EFNA5: variants seen among roughly 807,000 people sequenced by gnomAD.
The protein encoded by EFNA5 is ephrin A5.
EFNA5 carries 5 observed loss-of-function variants against 22.9 expected under a neutral mutation model. The observed-to-expected ratio is 0.22, with a 90% CI of 0.11 to 0.46. The LOEUF is 0.46. EFNA5 is among the 20% of genes least tolerant of loss of function. EFNA5 has a pLI of 0.99. For synonymous variants in EFNA5, 113 were observed against 112.2 expected (o/e 1.01, Z -0.04); for missense variants, 237 against 293.3 (o/e 0.81, Z 1.40).
intron 1 of EFNA5, among the ~76,000 whole-genome samples, chr5:107,594,168 C>T (rs1301076321): frequency 6.6e-6 from 1 of 152,132 alleles, no homozygotes; most frequent in African/African-American, 2.4e-5. Flanking sequence ...AAAAATGCCA[C>T]ATTCATGATA....
intron 1 of EFNA5, among the ~76,000 whole-genome samples, chr5:107,649,442 C>A (rs1481869389): frequency 2.6e-5 from 4 of 152,030 alleles, no homozygotes; most frequent in African/African-American, 9.7e-5. Flanking sequence ...ATAGGCTAAT[C>A]GTCAAATGAC....
At chr5:107,611,994 T>C (rs1749826166) in intron 1 of EFNA5, among the ~76,000 whole-genome samples, 1 of 152,192 alleles carries the variant, frequency 6.6e-6, no homozygotes, top group Non-Finnish European at 1.5e-5. Context: ...TTTGACAACA[T>C]ATTAATATAA....
chr5:107,377,683 G>A lies in EFNA5; in HGVS notation c.*3572C>T, dbSNP rs983363014. The A allele has an allele frequency of 6.6e-6, 1 of 152,148 alleles. No homozygotes were observed. Among genetic ancestry groups the A allele is most frequent in the Non-Finnish European group, 1.5e-5 (1 of 68,040 alleles). 9.4% of individuals were successfully genotyped at this position (152,148 alleles called of 1,614,324 possible). ...TTAAGCTTCCTACACTGATTGGTTT[G>A]CAACCATTTCCATGAGTGAGCTGCA... On this transcript the variant is annotated 3_prime_UTR_variant, in exon 5 of 5. Transcript: ENST00000333274.
intron 1 of EFNA5, among the ~76,000 whole-genome samples, chr5:107,517,498 T>C (rs1163785786): frequency 6.6e-6 from 1 of 152,230 alleles, no homozygotes; most frequent in Non-Finnish European, 1.5e-5. Flanking sequence ...ACGGTTGTTG[T>C]GAATATTAAA....
chr5:107,539,516 T>TG (rs1748000058), intron 1 of EFNA5, among the ~76,000 whole-genome samples: 1 of 152,156 alleles, frequency 6.6e-6, no homozygotes, highest in Non-Finnish European at 1.5e-5. Context: ...TGAAGTGCAG[T>TG]GGGGTGATCT....
chr5:107,465,787 G>C (rs999825870), intron 1 of EFNA5, among the ~76,000 whole-genome samples: 1 of 151,770 alleles, frequency 6.6e-6, no homozygotes, highest in South Asian at 2.1e-4. Flanking sequence ...TATCACGAGG[G>C]GAGAAAAAGG....
chr5:107,430,926 C>T (rs1748939638), intron 1 of EFNA5, among the ~76,000 whole-genome samples: 1 of 151,920 alleles, frequency 6.6e-6, no homozygotes, highest in African/African-American at 2.4e-5. Context: ...CAGGCATGCG[C>T]CACCACACCC....
intron 2 of EFNA5, among the ~76,000 whole-genome samples, chr5:107,395,100 G>A (rs1747888275): frequency 6.9e-6 from 1 of 145,586 alleles, no homozygotes; most frequent in Non-Finnish European, 1.5e-5. Context: ...GTGCAGTGGT[G>A]TAATCTCAGC....
chr5:107,496,932 A>G (rs1747002550), intron 1 of EFNA5, among the ~76,000 whole-genome samples: 1 of 152,210 alleles, frequency 6.6e-6, no homozygotes, highest in Admixed American at 6.5e-5. Flanking sequence ...ATCCATTTAG[A>G]GTCTTGGCTT....
At chr5:107,527,013 C>G (rs533185840) in intron 1 of EFNA5, among the ~76,000 whole-genome samples, 169 of 152,204 alleles carry the variant, frequency 1.1e-3, no homozygotes, top group African/African-American at 4.0e-3. Flanking sequence ...CCACAAAATG[C>G]CAGATTTTTA....
At chr5:107,385,272 G>A (rs1747581763) in intron 4 of EFNA5, among the ~76,000 whole-genome samples, 1 of 152,070 alleles carries the variant, frequency 6.6e-6, no homozygotes, top group African/African-American at 2.4e-5. Flanking sequence ...GAATTCAAAG[G>A]TAATTTTCCT....
intron 1 of EFNA5, among the ~76,000 whole-genome samples, chr5:107,647,908 C>G (rs1750659547): frequency 6.6e-6 from 1 of 152,136 alleles, no homozygotes; most frequent in Admixed American, 6.6e-5. Context: ...GTGGGCCAGG[C>G]AACTCCAATA....
At chr5:107,634,358 G>C (rs1412927714) in intron 1 of EFNA5, among the ~76,000 whole-genome samples, 2 of 152,098 alleles carry the variant, frequency 1.3e-5, no homozygotes, top group Admixed American at 6.6e-5. Flanking sequence ...CTCTACAAAA[G>C]ATTAGAAAAT....
intron 1 of EFNA5, among the ~76,000 whole-genome samples, chr5:107,560,335 A>C (rs1748508494): frequency 6.6e-6 from 1 of 152,262 alleles, no homozygotes; most frequent in Non-Finnish European, 1.5e-5. Context: ...GAAAAGAAGA[A>C]AAATCACCTG....
At chr5:107,421,372 G>T (rs1206472042) in intron 2 of EFNA5, among the ~76,000 whole-genome samples, 1 of 152,096 alleles carries the variant, frequency 6.6e-6, no homozygotes, top group Non-Finnish European at 1.5e-5. Flanking sequence ...AATGACAATT[G>T]TCTTCTTTAT....
At chr5:107,635,522 A>C (rs981149833) in intron 1 of EFNA5, among the ~76,000 whole-genome samples, 9 of 152,158 alleles carry the variant, frequency 5.9e-5, no homozygotes, top group Non-Finnish European at 7.4e-5. Context: ...TTTTTTCACC[A>C]CTTTTCAATG....
intron 1 of EFNA5, among the ~76,000 whole-genome samples, chr5:107,549,630 C>T (rs977357263): frequency 6.6e-6 from 1 of 152,238 alleles, no homozygotes; most frequent in Non-Finnish European, 1.5e-5. Flanking sequence ...AATTCAATCT[C>T]TTCAGCTCTC....
chr5:107,559,268 T>C lies in EFNA5; in HGVS notation c.125+111221A>G, dbSNP rs192202542. 3.5e-3 allele frequency among the ~76,000 whole-genome samples: 540 copies of C among 152,356 alleles called. 1 individual carries two copies. The highest frequency in any genetic ancestry group is 0.012 in the South Asian group (59 of 4,826). Reference sequence around the variant, plus strand: ...TCCAAAACCCTTCTTCATGGTAACTTCTGCTGTCTGGGGCTTTATTTTCTG... The same window carrying C: ...TCCAAAACCCTTCTTCATGGTAACTCCTGCTGTCTGGGGCTTTATTTTCTG... On this transcript the variant is annotated intron_variant, in intron 1 of 4. Transcript: ENST00000333274.
At chr5:107,490,888 T>C (rs965563648) in intron 1 of EFNA5, among the ~76,000 whole-genome samples, 4 of 152,210 alleles carry the variant, frequency 2.6e-5, no homozygotes, top group Admixed American at 1.3e-4. Flanking sequence ...AATTAAGGTA[T>C]CTTGCAGAGA....
Sources: allele counts gnomAD v4.1 joint callset (sites outside exome capture counted in the v4.1 genomes callset), GRCh38; gene constraint gnomAD v4.1.1; transcripts MANE v1.5; gene names NCBI Gene and HGNC (gene_info 2026-07-23, HGNC 2026-07-21).